The following BCKDHB variants were observed in gnomAD, a reference collection of about 807,000 sequenced individuals.
BCKDHB encodes the protein 2-oxoisovalerate dehydrogenase subunit beta, mitochondrial.
Under a neutral mutation model 48.5 loss-of-function variants are expected in BCKDHB, and 41 were observed. The ratio of observed to expected loss-of-function variants is 0.85; its 90% confidence interval spans 0.66 to 1.10. BCKDHB has a LOEUF of 1.10. Ranked by LOEUF, BCKDHB falls within the 50% of genes least tolerant of loss-of-function variation. BCKDHB has a pLI of 0.00. For synonymous variants in BCKDHB, 201 were observed against 174.8 expected (o/e 1.15, Z -1.18); for missense variants, 496 against 494.2 (o/e 1.00, Z -0.03).
intron 6 of BCKDHB, among the ~76,000 whole-genome samples, chr6:80,173,429 C>T (rs1335283854): frequency 6.6e-6 from 1 of 152,102 alleles, no homozygotes; most frequent in Non-Finnish European, 1.5e-5. Context: ...AAGGGCTAAC[C>T]ACCAAAGTCT....
chr6:80,281,048 G>T (rs1240446704), intron 9 of BCKDHB, among the ~76,000 whole-genome samples: 1 of 151,810 alleles, frequency 6.6e-6, no homozygotes, highest in Non-Finnish European at 1.5e-5. Flanking sequence ...GTGTGTGTGT[G>T]TATAAGGTAA....
In BCKDHB at chr6:80,297,685, T is replaced by G. The variant is rs148947632; in HGVS notation, c.1038+24464T>G. 6.0e-3 allele frequency among the ~76,000 whole-genome samples: 913 copies of G among 152,284 alleles called. 12 individuals are homozygous for G. Among genetic ancestry groups the G allele is most frequent in the African/African-American group, 0.021 (872 of 41,552 alleles). Reference sequence around the variant, plus strand: ...CAGCCTCCCATGGGAATCTTACCTCTCAGTGGAGAGTGAGGACATTTCCAT... The same window carrying G: ...CAGCCTCCCATGGGAATCTTACCTCGCAGTGGAGAGTGAGGACATTTCCAT... On this transcript the variant is annotated intron_variant, in intron 9 of 9. Transcript: ENST00000320393.
In BCKDHB at chr6:80,168,905, C is replaced by G. The variant is rs398124581; in HGVS notation, c.508C>G (p.Arg170Gly). ...TAATGAAGCTGCCAAGTATCGCTAT[C>G]GCTCTGGGGATCTTTTTAACTGTGG... ...IVNEAAKYRY[R>G]SGDLFNCGSL... Residue 170 changes from arginine to glycine, a missense_variant, in exon 5 of 10, where the codon CGC (arginine) becomes GGC (glycine). Transcript: ENST00000320393. 60 of 1,614,000 alleles carry G rather than the reference C, an allele frequency of 3.7e-5. No homozygotes were observed. The highest frequency in any genetic ancestry group is 4.7e-5 in the Non-Finnish European group (56 of 1,180,012).
At chr6:80,464,887 C>T in the BCKDHB span, among the ~76,000 whole-genome samples, 1 of 152,136 alleles carries the variant, frequency 6.6e-6, no homozygotes, top group African/African-American at 2.4e-5. Flanking sequence ...GAAGCATTAC[C>T]CCTCCATTGG....
rs141788433 is a variant in BCKDHB at position 80,117,446 on chromosome 6, A to G, written c.197-10101A>G. Among the ~76,000 whole-genome samples the G allele has an allele frequency of 7.2e-5, 11 of 152,358 alleles. No individual in the cohort carries two copies. The East Asian group carries it at 1.3e-3, about 19-fold the overall frequency. On this transcript the variant is annotated intron_variant, in intron 1 of 9. Coordinates refer to ENST00000320393, the MANE Select transcript of BCKDHB (RefSeq NM_183050.4). ...TTCAGCAGACTTGAAATAAATAGCA[A>G]CTTAGATATTTAGACATTTTGTTGG...
the BCKDHB span, among the ~76,000 whole-genome samples, chr6:80,424,803 A>G: frequency 6.6e-6 from 1 of 152,124 alleles, no homozygotes; most frequent in African/African-American, 2.4e-5. Context: ...TTTTTGGGTA[A>G]TTTCTCAGGT....
At position 80,122,744 on chromosome 6, in the gene BCKDHB, G is replaced by A. The variant is rs779911671; in HGVS notation, c.197-4803G>A. Among the ~76,000 whole-genome samples, 134 of 152,064 alleles carry A rather than the reference G, an allele frequency of 8.8e-4. 1 individual carries two copies. Among genetic ancestry groups the A allele is most frequent in the Non-Finnish European group, 1.7e-3 (117 of 67,994 alleles). ...AAGGCAAAACAGAACTACTGATAAG[G>A]GTCTATCTTCAGCTTTGCACATATT... On this transcript the variant is annotated intron_variant, in intron 1 of 9. Coordinates refer to ENST00000320393, the MANE Select transcript of BCKDHB (RefSeq NM_183050.4).
At chr6:80,241,456 TG>T (rs1430728539) in intron 8 of BCKDHB, among the ~76,000 whole-genome samples, 1 of 152,188 alleles carries the variant, frequency 6.6e-6, no homozygotes, top group Non-Finnish European at 1.5e-5. Flanking sequence ...TCCTTTTTGT[TG>T]ATGTTGCTGC....
chr6:80,199,769 CTCA>C (rs1354905491), intron 6 of BCKDHB, among the ~76,000 whole-genome samples: 1 of 59,102 alleles, frequency 1.7e-5, no homozygotes, highest in Non-Finnish European at 2.9e-5. Flanking sequence ...GAGACTCTGT[CTCA>C]AAAAAAAAAA....
intron 8 of BCKDHB, among the ~76,000 whole-genome samples, chr6:80,230,138 A>G (rs1775860237): frequency 7.7e-6 from 1 of 130,254 alleles, no homozygotes; most frequent in African/African-American, 2.9e-5. Flanking sequence ...TCTTGGGTTC[A>G]TGCCATTCTC....
intron 5 of BCKDHB, chr6:80,169,894 C>A (rs1425331969): frequency 6.3e-7 from 1 of 1,580,800 alleles, no homozygotes. Context: ...GGGAAAGAAG[C>A]CATGTGCGAG....
At chr6:80,107,097 C>A (rs1769114455) in intron 1 of BCKDHB, among the ~76,000 whole-genome samples, 1 of 151,626 alleles carries the variant, frequency 6.6e-6, no homozygotes. Flanking sequence ...AGACGCAGTC[C>A]CCCCTCCCCC....
chr6:80,330,346 T>A lies in BCKDHB; in HGVS notation c.1039-13318T>A, dbSNP rs149007566. The stretch of plus-strand genomic sequence containing the variant: ...CCTGTCTTGCTGACATATATATATA[T>A]TTGGCCTCATCAGTAGCAAAGCTCA... On this transcript the variant is annotated intron_variant, in intron 9 of 9. Coordinates refer to ENST00000320393, the MANE Select transcript of BCKDHB (RefSeq NM_183050.4). Among the ~76,000 whole-genome samples the A allele has an allele frequency of 6.3e-3, 961 of 152,248 alleles. 19 individuals are homozygous for A. The highest frequency in any genetic ancestry group is 0.037 in the Admixed American group (560 of 15,286).
At chr6:80,246,887 C>T (rs554108538) in intron 8 of BCKDHB, among the ~76,000 whole-genome samples, 45 of 152,094 alleles carry the variant, frequency 3.0e-4, no homozygotes, top group African/African-American at 9.6e-4. Context: ...ATTCCCCCAC[C>T]CCTCTCCCCC....
the BCKDHB span, among the ~76,000 whole-genome samples, chr6:80,382,319 G>A: frequency 1.3e-5 from 2 of 150,414 alleles, no homozygotes; most frequent in Non-Finnish European, 2.9e-5. Context: ...TACTAAAAGA[G>A]CATTGAAATA....
intron 1 of BCKDHB, among the ~76,000 whole-genome samples, chr6:80,113,494 T>C (rs921287834): frequency 2.0e-5 from 3 of 152,216 alleles, no homozygotes; most frequent in Non-Finnish European, 4.4e-5. Flanking sequence ...AAACCTGCAG[T>C]TGCCTCTGTG....
chr6:80,210,820 C>CT (rs1774898044), intron 8 of BCKDHB, among the ~76,000 whole-genome samples: 1 of 152,114 alleles, frequency 6.6e-6, no homozygotes, highest in South Asian at 2.1e-4. Flanking sequence ...TGTTCTCTCT[C>CT]AAGCCTTCCC....
the BCKDHB span, among the ~76,000 whole-genome samples, chr6:80,370,668 G>A: frequency 6.6e-6 from 1 of 151,998 alleles, no homozygotes; most frequent in South Asian, 2.1e-4. Context: ...CCATTCCTGA[G>A]TTACTTCACT....
At chr6:80,358,083 T>G in the BCKDHB span, among the ~76,000 whole-genome samples, 1 of 152,120 alleles carries the variant, frequency 6.6e-6, no homozygotes, top group Non-Finnish European at 1.5e-5. Flanking sequence ...TGCTTAATTT[T>G]CTTCTCACAA....
Sources: allele counts gnomAD v4.1 joint callset (sites outside exome capture counted in the v4.1 genomes callset), GRCh38; gene constraint gnomAD v4.1.1; transcripts MANE v1.5; gene names NCBI Gene and HGNC (gene_info 2026-07-23, HGNC 2026-07-21).